EIF2A: variants seen among roughly 807,000 people sequenced by gnomAD.
EIF2A encodes eukaryotic translation initiation factor 2A.
In EIF2A, 62 loss-of-function variants were observed where a neutral mutation model predicts 75.2. The observed-to-expected ratio is 0.82, with a 90% CI of 0.67 to 1.02. EIF2A has a LOEUF of 1.02. Among genes scored for constraint, EIF2A ranks in the 50% least tolerant of loss-of-function variants. The pLI is 0.00. For missense variants in EIF2A, 611 were observed against 677.7 expected (o/e 0.90, Z 1.09); for synonymous variants, 207 against 239.0 (o/e 0.87, Z 1.23).
intron 6 of EIF2A, chr3:150,565,265 C>T (rs1244510287): frequency 2.2e-6 from 1 of 453,162 alleles, no homozygotes; most frequent in Non-Finnish European, 4.4e-6. Flanking sequence ...GTGATGTTCA[C>T]TTCTTTTATC....
chr3:150,555,488 C>G (rs1425068566), intron 2 of EIF2A, among the ~76,000 whole-genome samples: 2 of 148,000 alleles, frequency 1.4e-5, no homozygotes, highest in Non-Finnish European at 3.0e-5. Flanking sequence ...GAACTTCTGA[C>G]CTCAGGTGAT....
chr3:150,577,357 T>C (rs1317662428), intron 11 of EIF2A, among the ~76,000 whole-genome samples: 1 of 152,122 alleles, frequency 6.6e-6, no homozygotes, highest in Non-Finnish European at 1.5e-5. Context: ...TTTTTGTTTC[T>C]TTTGAGACAC....
In EIF2A at chr3:150,558,799, A is replaced by G. The variant is rs572496874; in HGVS notation, c.173+337A>G. On this transcript the variant is annotated intron_variant, in intron 3 of 13. Transcript: ENST00000460851. The stretch of plus-strand genomic sequence containing the variant: ...ACTGAGAAAATAATTCTCTTTACTC[A>G]TTTAATCCTAGATGTAGATACTTTT... The G allele has an allele frequency of 3.6e-4, 57 of 158,664 alleles. 1 individual carries two copies. The highest frequency in any genetic ancestry group is 2.5e-4 in the Non-Finnish European group (18 of 72,600). 9.8% of individuals were successfully genotyped at this position (158,664 alleles called of 1,614,324 possible).
Position 150,568,017 on chromosome 3 carries a change from A to T in EIF2A, c.665A>T (p.Asp222Val), listed in dbSNP as rs758016556. Residue 222 changes from aspartate (D) to valine (V), a missense_variant, in exon 8 of 14, where the codon GAT becomes GTT. Coordinates refer to ENST00000460851, the MANE Select transcript of EIF2A (RefSeq NM_032025.5). Reference protein sequence around the residue: ...ALANKSFFKADKVTMLWNKKA... With the variant: ...ALANKSFFKAVKVTMLWNKKA... ...GCTAATAAAAGTTTCTTTAAGGCAG[A>T]TAAAGTTACAATGCTGTGGAATAAA... is the stretch of plus-strand genomic sequence containing the variant. The T allele has an allele frequency of 6.2e-7, 1 of 1,611,646 alleles. No individual in the cohort carries two copies. Among genetic ancestry groups the T allele is most frequent in the Non-Finnish European group, 8.5e-7 (1 of 1,179,296 alleles).
At chr3:150,581,445 T>C (rs1273551360) in intron 11 of EIF2A, among the ~76,000 whole-genome samples, 173 bp from the exon 12 acceptor site, 1 of 152,224 alleles carries the variant, frequency 6.6e-6, no homozygotes, top group Non-Finnish European at 1.5e-5. Context: ...ATTTTATTTC[T>C]AACATGGGAG....
intron 1 of EIF2A, among the ~76,000 whole-genome samples, chr3:150,550,426 C>T (rs1178429875): frequency 2.6e-5 from 4 of 152,052 alleles, no homozygotes; most frequent in Non-Finnish European, 5.9e-5. Context: ...CTGTTATGGA[C>T]CTGATTTTGT....
intron 5 of EIF2A, 99 bp from the exon 6 acceptor site, chr3:150,564,200 T>G (rs1315070679): frequency 2.5e-5 from 23 of 908,724 alleles, no homozygotes; most frequent in Non-Finnish European, 1.3e-5. Context: ...TGTTTTTCCT[T>G]AAATGGTAAC....
chr3:150,570,658 T>C (rs1224039189), intron 9 of EIF2A, among the ~76,000 whole-genome samples: 1 of 151,792 alleles, frequency 6.6e-6, no homozygotes, highest in African/African-American at 2.4e-5. Context: ...ATTTAAAAAA[T>C]ACAAATGAAA....
intron 6 of EIF2A, chr3:150,566,702 A>G (rs541307665): frequency 1.3e-5 from 2 of 152,340 alleles, no homozygotes; most frequent in Admixed American, 6.5e-5. Context: ...TCACATTCAC[A>G]TAAGTATTCA....
intron 9 of EIF2A, among the ~76,000 whole-genome samples, chr3:150,569,384 T>A (rs1393362075): frequency 6.6e-6 from 1 of 151,878 alleles, no homozygotes; most frequent in East Asian, 1.9e-4. Flanking sequence ...GTCATTTCTC[T>A]CTTGTCAGTC....
chr3:150,581,805 AAG>A, intron 12 of EIF2A, 59 bp downstream of exon 12: 3 of 1,540,304 alleles, frequency 1.9e-6, no homozygotes, highest in Non-Finnish European at 2.6e-6. Context: ...TTATATAAGT[AAG>A]AGAGTACTTA....
intron 12 of EIF2A, 143 bp downstream of exon 12, chr3:150,581,889 T>G (rs1033435904): frequency 2.0e-6 from 2 of 976,488 alleles, no homozygotes; most frequent in East Asian, 5.3e-5. Context: ...TATGAAGCAC[T>G]GTTCACTTAG....
chr3:150,557,359 G>A (rs1175654969), intron 2 of EIF2A, among the ~76,000 whole-genome samples: 3 of 152,152 alleles, frequency 2.0e-5, no homozygotes, highest in African/African-American at 7.2e-5. Flanking sequence ...GGGTAGTATA[G>A]GATGGGGAAC....
intron 10 of EIF2A, among the ~76,000 whole-genome samples, chr3:150,572,823 T>C (rs1308985988): frequency 7.2e-6 from 1 of 138,130 alleles, no homozygotes; most frequent in Non-Finnish European, 1.5e-5. Context: ...ACCACTGCAC[T>C]CCAGCCTGAG....
At chr3:150,575,274 C>G (rs1238948628) in intron 10 of EIF2A, among the ~76,000 whole-genome samples, 2 of 152,110 alleles carry the variant, frequency 1.3e-5, no homozygotes, top group African/African-American at 4.8e-5. Flanking sequence ...GTGAAGAAAA[C>G]AAGCGAGGCA....
At position 150,585,432 on chromosome 3, in the gene EIF2A, T is replaced by C. The variant is rs1313922398; in HGVS notation, c.*1521T>C. ...TACTTGGGAGGCTGAGGTAGGAAAA[T>C]TGTTTGAACCCGGCAGACAGAGGTT... On this transcript the variant is annotated 3_prime_UTR_variant, in exon 14 of 14. Transcript: ENST00000460851. 6.6e-6 allele frequency: 1 copy of C among 152,120 alleles called. No individual in the cohort carries two copies. Among genetic ancestry groups the C allele is most frequent in the African/African-American group, 2.4e-5 (1 of 41,384 alleles). The allele number at this position is 152,120 out of a possible 1,614,324, so 9.4% of individuals were successfully genotyped here.
intron 2 of EIF2A, 76 bp from the exon 3 acceptor site, chr3:150,558,312 G>T: frequency 7.8e-7 from 1 of 1,277,870 alleles, no homozygotes. Flanking sequence ...TAGTGAAATG[G>T]TTGACTTTAT....
chr3:150,552,847 T>A (rs1723382520), intron 2 of EIF2A: 1 of 152,698 alleles, frequency 6.5e-6, no homozygotes, highest in African/African-American at 2.4e-5. Flanking sequence ...AGATTAATTT[T>A]TTTTTCCCCA....
chr3:150,551,844 TTAA>T (rs1302715304), intron 1 of EIF2A, among the ~76,000 whole-genome samples: 1 of 152,256 alleles, frequency 6.6e-6, no homozygotes, highest in Non-Finnish European at 1.5e-5. Context: ...CATTGGGGCC[TTAA>T]TAAATGAATA....
Sources: gnomAD v4.1 joint callset for allele counts (sites outside exome capture counted in the v4.1 genomes callset) on GRCh38, gnomAD v4.1.1 for gene constraint, MANE v1.5 for transcripts, NCBI Gene and HGNC (gene_info 2026-07-23, HGNC 2026-07-21) for gene names.